The following LARGE1 variants were observed in gnomAD, a reference collection of about 807,000 sequenced individuals.
LARGE1 encodes the protein LARGE xylosyl- and glucuronyltransferase 1.
Under a neutral mutation model 87.6 loss-of-function variants are expected in LARGE1, and 43 were observed. The observed-to-expected ratio is 0.49, with a 90% CI of 0.38 to 0.63. LARGE1 has a LOEUF of 0.63. Ranked by LOEUF, LARGE1 falls within the 30% of genes least tolerant of loss-of-function variation. The pLI, the probability that LARGE1 is intolerant of heterozygous loss-of-function variation, is 0.00. For synonymous variants in LARGE1, 434 were observed against 394.6 expected (o/e 1.10, Z -1.18); for missense variants, 802 against 1,000.2 (o/e 0.80, Z 2.67).
At chr22:33,214,924 C>T (rs1925135480) in intron 11 of LARGE1, among the ~76,000 whole-genome samples, 1 of 152,078 alleles carries the variant, frequency 6.6e-6, no homozygotes, top group South Asian at 2.1e-4. Flanking sequence ...TTGAGGTGGC[C>T]CTGCACAGCA....
chr22:33,148,641 A>C, the LARGE1 span, among the ~76,000 whole-genome samples: 1 of 152,194 alleles, frequency 6.6e-6, no homozygotes, highest in Non-Finnish European at 1.5e-5. Flanking sequence ...TAAAATTCAT[A>C]TGTAAATTTT....
upstream of LARGE1, chr22:33,922,583 G>C (rs1470204830): frequency 6.6e-6 from 1 of 152,226 alleles, no homozygotes; most frequent in Non-Finnish European, 1.5e-5. Context: ...GGAGCTTCGG[G>C]ATAAGTTAAC....
chr22:33,478,846 G>A (rs1244991085), intron 6 of LARGE1, among the ~76,000 whole-genome samples: 1 of 152,178 alleles, frequency 6.6e-6, no homozygotes, highest in Non-Finnish European at 1.5e-5. Context: ...AAAGATGTGA[G>A]AGGGCATCGC....
intron 5 of LARGE1, among the ~76,000 whole-genome samples, chr22:33,591,316 T>C (rs2148919275): frequency 6.6e-6 from 1 of 152,356 alleles, no homozygotes; most frequent in Middle Eastern, 3.4e-3. Flanking sequence ...CACTTTGTAT[T>C]GTGAGTCCTT....
chr22:33,550,738 C>T (rs555844303), intron 6 of LARGE1, among the ~76,000 whole-genome samples: 11 of 152,140 alleles, frequency 7.2e-5, no homozygotes, highest in Non-Finnish European at 1.2e-4. Flanking sequence ...AGAAAGACAC[C>T]TGCACTGATG....
intron 2 of LARGE1, among the ~76,000 whole-genome samples, chr22:33,760,162 T>C (rs2084669968): frequency 2.0e-5 from 3 of 152,210 alleles, no homozygotes. Flanking sequence ...AGATTTTCAT[T>C]TGAGATCTTC....
chr22:33,266,670 T>G (rs1927962857), intron 11 of LARGE1, among the ~76,000 whole-genome samples: 1 of 151,534 alleles, frequency 6.6e-6, no homozygotes, highest in Non-Finnish European at 1.5e-5. Flanking sequence ...CCAGCAGGAG[T>G]ATGAAAAGGC....
chr22:33,548,662 G>A (rs1283945492), intron 6 of LARGE1, among the ~76,000 whole-genome samples: 4 of 152,100 alleles, frequency 2.6e-5, no homozygotes, highest in Non-Finnish European at 5.9e-5. Context: ...TGATCCGCCT[G>A]TCTCAGCCTC....
chr22:33,181,971 T>C (rs537263314), intron 11 of LARGE1, among the ~76,000 whole-genome samples: 3 of 151,238 alleles, frequency 2.0e-5, no homozygotes, highest in Middle Eastern at 3.5e-3. Context: ...TACAGTTGGA[T>C]GCAACCACAC....
intron 5 of LARGE1, among the ~76,000 whole-genome samples, chr22:33,567,276 G>A (rs1369590865): frequency 6.6e-6 from 1 of 152,072 alleles, no homozygotes; most frequent in South Asian, 2.1e-4. Context: ...AAATGGAGAC[G>A]ATGCCTACTT....
chr22:33,476,481 C>T (rs1418757628), intron 6 of LARGE1, among the ~76,000 whole-genome samples: 1 of 152,170 alleles, frequency 6.6e-6, no homozygotes, highest in African/African-American at 2.4e-5. Context: ...TTGACTGATG[C>T]ATCACGTCTC....
At chr22:33,530,142 G>C (rs544606327) in intron 6 of LARGE1, among the ~76,000 whole-genome samples, 2 of 152,310 alleles carry the variant, frequency 1.3e-5, no homozygotes, top group Non-Finnish European at 2.9e-5. Context: ...TGGGAAGAAG[G>C]GATTTTAGCT....
chr22:33,259,391 CACTT>C, intron 11 of LARGE1, among the ~76,000 whole-genome samples: 1 of 151,660 alleles, frequency 6.6e-6, no homozygotes. Context: ...CACACACAGA[CACTT>C]AGGAAAAAAA....
chr22:33,833,944 C>A (rs2063042441), intron 1 of LARGE1, among the ~76,000 whole-genome samples: 1 of 152,162 alleles, frequency 6.6e-6, no homozygotes, highest in South Asian at 2.1e-4. Flanking sequence ...ATCTCAGCCT[C>A]CCAAAGTACT....
At position 33,822,079 on chromosome 22, in the gene LARGE1, G is replaced by A. The variant is rs561640811; in HGVS notation, c.-82-60521C>T. On this transcript the variant is annotated intron_variant, in intron 1 of 14. Coordinates refer to ENST00000397394, the MANE Select transcript of LARGE1 (RefSeq NM_133642.5). ...ATTCTAAATTTTTCTTAATGATCCC[G>A]GTTAATTATGTATTCCCAACCTTGG... Among the ~76,000 whole-genome samples, 114 of 151,366 alleles carry A rather than the reference G, an allele frequency of 7.5e-4. 3 individuals carry two copies. In the South Asian group the frequency reaches 0.013, roughly 17 times the overall value.
At chr22:33,888,363 C>T (rs1186605166) in intron 1 of LARGE1, among the ~76,000 whole-genome samples, 1 of 152,172 alleles carries the variant, frequency 6.6e-6, no homozygotes, top group Non-Finnish European at 1.5e-5. Context: ...ATTTTGTCAC[C>T]ATCTTCAATG....
upstream of LARGE1, among the ~76,000 whole-genome samples, chr22:33,921,253 C>T (rs1601923558): frequency 6.6e-6 from 1 of 152,166 alleles, no homozygotes; most frequent in Non-Finnish European, 1.5e-5. The surrounding 1 kb of genome is among the most constrained non-coding windows in gnomAD (Gnocchi z 4.1). Context: ...GAAGCAACAC[C>T]CGGAGCCGGG....
At chr22:33,626,480 A>G (rs1465097437) in intron 3 of LARGE1, among the ~76,000 whole-genome samples, 154 bp from the exon 4 acceptor site, 1 of 152,178 alleles carries the variant, frequency 6.6e-6, no homozygotes, top group Non-Finnish European at 1.5e-5. Context: ...AAATAACTCA[A>G]GACAGTTTTA....
intron 2 of LARGE1, among the ~76,000 whole-genome samples, chr22:33,691,579 C>G (rs777584484): frequency 1.8e-4 from 27 of 152,174 alleles, no homozygotes; most frequent in Non-Finnish European, 3.4e-4. Flanking sequence ...ACGCATGCCT[C>G]TCTGCTCACA....
Sources: gnomAD v4.1 joint callset for allele counts (sites outside exome capture counted in the v4.1 genomes callset) on GRCh38, gnomAD v4.1.1 for gene constraint, Gnocchi (gnomAD v3.1) non-coding constraint, MANE v1.5 for transcripts, NCBI Gene and HGNC (gene_info 2026-07-23, HGNC 2026-07-21) for gene names.